Variants in LARS1 observed in about 807,000 individuals in gnomAD.
The protein encoded by LARS1 is leucine--tRNA ligase, cytoplasmic.
LARS1 carries 100 observed loss-of-function variants against 162.8 expected under a neutral mutation model. The ratio of observed to expected loss-of-function variants is 0.61; its 90% CI spans 0.52 to 0.73. The LOEUF (loss-of-function observed/expected upper bound fraction) is 0.73. Ranked by LOEUF, LARS1 falls within the 30% of genes least tolerant of loss-of-function variation. The pLI is 0.00. For synonymous variants in LARS1, 457 were observed against 462.8 expected (o/e 0.99, Z 0.16); for missense variants, 1,258 against 1,408.9 (o/e 0.89, Z 1.71).
chr5:146,113,561 A>C lies in LARS1; in HGVS notation c.*545T>G, dbSNP rs1764069377. On this transcript the variant is annotated 3_prime_UTR_variant, in exon 32 of 32. Transcript: ENST00000394434. ...AATTAAAGCTTTAAAAAGTCTTATA[A>C]AATGCAGGACCTATTTGTTCTTTAT... The C allele has an allele frequency of 6.6e-6, 1 of 152,524 alleles. No individual in the cohort carries two copies. Among genetic ancestry groups the C allele is most frequent in the African/African-American group, 2.4e-5 (1 of 41,448 alleles). 9.4% of individuals were successfully genotyped at this position (152,524 alleles called of 1,614,324 possible).
At chr5:146,168,107 A>T (rs1170524389) in intron 5 of LARS1, 21 bp downstream of exon 5, 3 of 1,577,238 alleles carry the variant, frequency 1.9e-6, no homozygotes, top group Non-Finnish European at 2.6e-6. Context: ...CAACCAACAT[A>T]AATATCAACC....
At position 146,113,978 on chromosome 5, in the gene LARS1, G is replaced by C; in HGVS notation, c.*128C>G. Reference sequence around the variant, plus strand: ...CTTGATAGAATTATGAATACATGCAGAATTGGATGGTTAGAAATGAAATCA... The same window carrying C: ...CTTGATAGAATTATGAATACATGCACAATTGGATGGTTAGAAATGAAATCA... On this transcript the variant is annotated 3_prime_UTR_variant, in exon 32 of 32. Transcript: ENST00000394434. 1.4e-6 allele frequency: 1 copy of C among 737,050 alleles called. No homozygotes were observed. Among genetic ancestry groups the C allele is most frequent in the East Asian group, 2.5e-5 (1 of 40,276 alleles). The allele number at this position is 737,050 out of a possible 1,614,324, so 45.7% of individuals were successfully genotyped here.
intron 29 of LARS1, among the ~76,000 whole-genome samples, chr5:146,123,557 C>G (rs935716059): frequency 6.6e-6 from 1 of 151,556 alleles, no homozygotes; most frequent in East Asian, 1.9e-4. Context: ...TATCATGAAC[C>G]AATATATCAG....
intron 31 of LARS1, among the ~76,000 whole-genome samples, chr5:146,115,061 A>AAAG (rs1554125548): frequency 3.3e-5 from 5 of 150,806 alleles, no homozygotes; most frequent in African/African-American, 1.2e-4. Context: ...AAAAAAAAAA[A>AAAG]AAAAAACAAT....
intron 24 of LARS1, 139 bp downstream of exon 24, chr5:146,130,880 G>T (rs1752245871): frequency 2.1e-6 from 1 of 476,212 alleles, no homozygotes; most frequent in South Asian, 4.3e-5. Context: ...ATTTATTGAA[G>T]AATTTAAAAT....
intron 27 of LARS1, among the ~76,000 whole-genome samples, chr5:146,126,889 C>A (rs900403457): frequency 6.6e-6 from 1 of 152,078 alleles, no homozygotes. Flanking sequence ...AAAAATTACA[C>A]AACTATCATA....
intron 19 of LARS1, 27 bp from the exon 20 acceptor site, chr5:146,143,111 T>TTACATA: frequency 1.8e-6 from 2 of 1,081,672 alleles, no homozygotes; most frequent in Admixed American, 2.9e-5. Context: ...ACAAACTATT[T>TTACATA]TATATATATA....
chr5:146,165,211 G>A (rs1024767580), intron 5 of LARS1, among the ~76,000 whole-genome samples: 4 of 152,114 alleles, frequency 2.6e-5, no homozygotes, highest in Admixed American at 6.5e-5. Flanking sequence ...GCAAGCGCCC[G>A]TAATCCCAGC....
chr5:146,157,445 TTTG>T lies in LARS1; in HGVS notation c.1020_1022del (p.Lys341del). ...TAACAACAGGCACCACGCCATTGTC[TTTG>T]GTAAAGCCCTGGTATGACATATTCC... On this transcript the variant is annotated inframe_deletion, in exon 10 of 32. Transcript: ENST00000394434. The T allele has an allele frequency of 6.2e-7, 1 of 1,614,206 alleles. No individual in the cohort carries two copies. The highest frequency in any genetic ancestry group is 1.1e-5 in the South Asian group (1 of 91,084).
chr5:146,152,048 A>C, intron 13 of LARS1, 46 bp from the exon 14 acceptor site: 1 of 1,608,436 alleles, frequency 6.2e-7, no homozygotes, highest in Non-Finnish European at 8.5e-7. Context: ...GACTGGACAC[A>C]CAGCTCTGTA....
intron 31 of LARS1, among the ~76,000 whole-genome samples, chr5:146,116,584 A>T (rs933919987): frequency 1.3e-5 from 2 of 152,218 alleles, no homozygotes; most frequent in Non-Finnish European, 2.9e-5. Context: ...CTTATCATTG[A>T]AACTGTTGAA....
intron 21 of LARS1, 100 bp from the exon 22 acceptor site, chr5:146,135,764 C>T: frequency 2.6e-6 from 2 of 761,930 alleles, no homozygotes; most frequent in South Asian, 3.9e-5. Flanking sequence ...CAGATAAAAA[C>T]AAAAAAGAAT....
intron 1 of LARS1, among the ~76,000 whole-genome samples, chr5:146,181,443 A>T (rs1260203792): frequency 6.6e-6 from 1 of 152,132 alleles, no homozygotes; most frequent in Non-Finnish European, 1.5e-5. Flanking sequence ...TCGGAGGCTG[A>T]GACAGAAGGA....
intron 9 of LARS1, 35 bp from the exon 10 acceptor site, chr5:146,157,663 T>C (rs946586807): frequency 5.0e-6 from 8 of 1,612,824 alleles, no homozygotes; most frequent in Middle Eastern, 1.6e-4. Context: ...TGTAAAAACA[T>C]GTCAACTCTG....
chr5:146,180,831 A>T (rs1754802216), intron 1 of LARS1, among the ~76,000 whole-genome samples: 1 of 152,186 alleles, frequency 6.6e-6, no homozygotes, highest in East Asian at 1.9e-4. Context: ...CAGAGTTCCT[A>T]AACTTTGGCA....
At chr5:146,164,512 C>T (rs2126556812) in intron 5 of LARS1, 41 bp from the exon 6 acceptor site, 3 of 1,586,016 alleles carry the variant, frequency 1.9e-6, no homozygotes, top group East Asian at 4.5e-5. Flanking sequence ...CAAAGAATAA[C>T]CAACACTCCA....
At position 146,120,449 on chromosome 5, in the gene LARS1, T is replaced by A; in HGVS notation, c.3247A>T (p.Thr1083Ser). Residue 1083 changes from threonine to serine, a missense_variant, in exon 31 of 32, where the codon ACC (threonine) becomes TCC (serine). Transcript: ENST00000394434. ...TCTCCTTGCCTGATTTCAATTTTGG[T>A]TGAGAAGTGGCCATTGGATGGCTGG... ...NPQPSNGHFS[T>S]KIEIRQGDNC... is the part of the protein sequence containing the mutation. 6.2e-7 allele frequency: 1 copy of A among 1,613,380 alleles called. No individual in the cohort carries two copies. The highest frequency in any genetic ancestry group is 8.5e-7 in the Non-Finnish European group (1 of 1,179,492).
At position 146,114,117 on chromosome 5, in the gene LARS1, G is replaced by A. The variant is rs751691836; in HGVS notation, c.3520C>T (p.Leu1174=). ...CAATGTGCATGAGTTTAATGAACCAGATAGATTATTGTATCGCCAATATCC... is the reference window on the plus strand; with the variant it reads ...CAATGTGCATGAGTTTAATGAACCAAATAGATTATTGTATCGCCAATATCC... ...RVDIGDTIIY[L]VH is the part of the protein sequence containing the mutation. Residue 1174 remains leucine, a synonymous_variant, in exon 32 of 32, where the codon CTG becomes TTG. Coordinates refer to ENST00000394434, the MANE Select transcript of LARS1 (RefSeq NM_020117.11). 1.9e-6 allele frequency: 3 copies of A among 1,612,096 alleles called. No individual in the cohort carries two copies. The highest frequency in any genetic ancestry group is 1.1e-5 in the South Asian group (1 of 91,002).
intron 4 of LARS1, among the ~76,000 whole-genome samples, chr5:146,170,397 G>C (rs1268264519): frequency 1.3e-5 from 2 of 151,946 alleles, no homozygotes; most frequent in Admixed American, 1.3e-4. Context: ...TTGAACTTGG[G>C]AGGCAGATGT....
Sources: allele counts gnomAD v4.1 joint callset (sites outside exome capture counted in the v4.1 genomes callset), GRCh38; gene constraint gnomAD v4.1.1; transcripts MANE v1.5; gene names NCBI Gene and HGNC (gene_info 2026-07-23, HGNC 2026-07-21).